The following FAM117B variants were observed in gnomAD, a reference collection of about 807,000 sequenced individuals.
FAM117B encodes the protein family with sequence similarity 117 member B.
In FAM117B, 22 loss-of-function variants were observed where a neutral mutation model predicts 52.8. The observed-to-expected ratio is 0.42, with a 90% CI of 0.30 to 0.59. FAM117B has a LOEUF of 0.59. FAM117B is among the 20% of genes least tolerant of loss of function. FAM117B has a pLI of 0.22. For missense variants in FAM117B, 678 were observed against 802.6 expected, an observed-to-expected ratio of 0.84 and a Z score of 1.88; for synonymous variants, 309 against 324.1, an observed-to-expected ratio of 0.95 and a Z score of 0.50.
intron 1 of FAM117B, among the ~76,000 whole-genome samples, chr2:202,650,473 T>C (rs1301921095): frequency 6.6e-6 from 1 of 152,210 alleles, no homozygotes; most frequent in Non-Finnish European, 1.5e-5. Flanking sequence ...AAAAGGCTCA[T>C]GTATTAGGGT....
chr2:202,730,214 G>T (rs1691317588), intron 4 of FAM117B, among the ~76,000 whole-genome samples: 1 of 152,046 alleles, frequency 6.6e-6, no homozygotes, highest in African/African-American at 2.4e-5. Context: ...GGCCCAGAGA[G>T]GTCAGGTATA....
intron 1 of FAM117B, among the ~76,000 whole-genome samples, chr2:202,655,757 AGAGAGT>A (rs1491003666): frequency 2.8e-3 from 349 of 125,990 alleles, no homozygotes; most frequent in East Asian, 4.9e-3. Context: ...AGAGAGAGAG[AGAGAGT>A]GTGTGTGTGT....
intron 1 of FAM117B, among the ~76,000 whole-genome samples, chr2:202,658,156 A>G (rs2105759984): frequency 6.6e-6 from 1 of 152,266 alleles, no homozygotes; most frequent in East Asian, 1.9e-4. Context: ...GTACAAGTAT[A>G]TTTATTACTT....
rs746952864 is a variant in FAM117B at position 202,726,320 on chromosome 2, A to G, written c.917A>G (p.Gln306Arg). 6.2e-7 allele frequency: 1 copy of G among 1,613,932 alleles called. No individual in the cohort carries two copies. The highest frequency in any genetic ancestry group is 8.5e-7 in the Non-Finnish European group (1 of 1,179,948). ...SSRHHRDKER[Q>R]SPFHGNHAAI... ...CGGCATCATCGAGATAAAGAAAGACAGTCTCCATTTCATGGCAACCATGCA... is the reference window on the plus strand; with the variant it reads ...CGGCATCATCGAGATAAAGAAAGACGGTCTCCATTTCATGGCAACCATGCA... The change falls in exon 4 of 8, where the codon CAG (glutamine) becomes CGG (arginine). Residue 306 changes from glutamine to arginine, a missense_variant. By Grantham distance (43) the Gln-to-Arg change is conservative. This residue lies in a region of FAM117B where 583 missense variants were observed against 644.8 expected (regional missense o/e 0.90). Transcript: ENST00000392238.
chr2:202,717,667 C>T (rs1691080086), intron 2 of FAM117B, among the ~76,000 whole-genome samples: 1 of 152,168 alleles, frequency 6.6e-6, no homozygotes, highest in Non-Finnish European at 1.5e-5. Context: ...ACAGAGTGTC[C>T]TTCTCTGTTC....
At chr2:202,728,962 A>G (rs1691298708) in intron 4 of FAM117B, among the ~76,000 whole-genome samples, 2 of 152,158 alleles carry the variant, frequency 1.3e-5, no homozygotes, top group Admixed American at 6.5e-5. Flanking sequence ...TGTTTCTCCC[A>G]TTTTATTTAG....
intron 1 of FAM117B, among the ~76,000 whole-genome samples, chr2:202,671,008 C>A (rs1043596005): frequency 6.6e-6 from 1 of 152,186 alleles, no homozygotes; most frequent in African/African-American, 2.4e-5. Flanking sequence ...AAGTGTTGAT[C>A]TTTCTCCTTA....
chr2:202,696,386 C>T (rs754534029), intron 2 of FAM117B, among the ~76,000 whole-genome samples: 15 of 151,936 alleles, frequency 9.9e-5, no homozygotes, highest in Non-Finnish European at 1.3e-4. Flanking sequence ...TATTGGGCCA[C>T]GCATAAAATA....
chr2:202,635,187 C>T lies in FAM117B; in HGVS notation c.-1C>T. ...CCCAGTCACCGGGGAGGGGGGGGAC[C>T]ATGTCCCAGCGGGTGAGGCGCAATG... On this transcript the variant is annotated 5_prime_UTR_variant, in exon 1 of 8. Transcript: ENST00000392238. 1 of 1,279,926 alleles carries T rather than the reference C, an allele frequency of 7.8e-7. No individual in the cohort carries two copies. Among genetic ancestry groups the T allele is most frequent in the South Asian group, 2.4e-5 (1 of 40,878 alleles). The allele number at this position is 1,279,926 out of a possible 1,614,324, so 79.3% of individuals were successfully genotyped here. A position where few individuals can be genotyped will look rare whatever the true frequency, so the allele number is the denominator to read the frequency against.
At chr2:202,668,408 A>T (rs1336519546) in intron 1 of FAM117B, among the ~76,000 whole-genome samples, 1 of 146,642 alleles carries the variant, frequency 6.8e-6, no homozygotes, top group Non-Finnish European at 1.5e-5. Flanking sequence ...GGTGCCTGTA[A>T]TCCCAGCTAC....
chr2:202,717,070 T>C (rs1691069195), intron 2 of FAM117B, among the ~76,000 whole-genome samples: 1 of 152,244 alleles, frequency 6.6e-6, no homozygotes, highest in Admixed American at 6.5e-5. Context: ...TTATGGATGC[T>C]AATCTGTGTC....
intron 2 of FAM117B, among the ~76,000 whole-genome samples, chr2:202,714,112 A>G (rs368889797): frequency 2.6e-5 from 4 of 152,220 alleles, no homozygotes; most frequent in African/African-American, 7.2e-5. Context: ...TTTTTTTTAT[A>G]GTTTCCAAAA....
intron 2 of FAM117B, among the ~76,000 whole-genome samples, chr2:202,721,311 A>G (rs1396645143): frequency 1.3e-5 from 2 of 152,234 alleles, no homozygotes; most frequent in Admixed American, 1.3e-4. Flanking sequence ...ATAGTAATAT[A>G]AAATGTATGA....
In FAM117B at chr2:202,635,555, C is replaced by G. The variant is rs1321529404; in HGVS notation, c.368C>G (p.Thr123Ser). Residue 123 changes from threonine to serine, a missense_variant, in exon 1 of 8, where the codon ACC becomes AGC. Coordinates refer to ENST00000392238, the MANE Select transcript of FAM117B (RefSeq NM_173511.4). ...TGASATSTRG[T>S]SPTRSAAPGA... Reference sequence around the variant, plus strand: ...GCGTCCGCGACGTCCACGCGAGGCACCAGCCCCACGCGCAGCGCCGCGCCT... The same window carrying G: ...GCGTCCGCGACGTCCACGCGAGGCAGCAGCCCCACGCGCAGCGCCGCGCCT... 9.1e-6 allele frequency: 11 copies of G among 1,205,514 alleles called. No individual in the cohort carries two copies. Among genetic ancestry groups the G allele is most frequent in the Non-Finnish European group, 1.1e-5 (11 of 974,368 alleles). The allele number at this position is 1,205,514 out of a possible 1,614,324, so 74.7% of individuals were successfully genotyped here. A position where few individuals can be genotyped will look rare whatever the true frequency, so the allele number is the denominator to read the frequency against.
At chr2:202,669,623 A>G (rs1329764300) in intron 1 of FAM117B, among the ~76,000 whole-genome samples, 7 of 152,206 alleles carry the variant, frequency 4.6e-5, no homozygotes, top group African/African-American at 7.2e-5. Context: ...GAACATAACT[A>G]AGAAAAAATG....
chr2:202,759,391 T>A, intron 7 of FAM117B, 38 bp downstream of exon 7: 2 of 1,595,084 alleles, frequency 1.3e-6, no homozygotes, highest in Non-Finnish European at 1.7e-6. Context: ...AAAAAACTAT[T>A]ATGAGCTTTT....
chr2:202,635,882 C>T (rs1018708314), intron 1 of FAM117B, 94 bp downstream of exon 1: 227 of 1,135,774 alleles, frequency 2.0e-4, no homozygotes, highest in Admixed American at 3.1e-4. Flanking sequence ...AGAGCTGCCG[C>T]GGAGCCCGGG....
At chr2:202,639,534 A>T (rs540621962) in intron 1 of FAM117B, among the ~76,000 whole-genome samples, 37 of 152,298 alleles carry the variant, frequency 2.4e-4, no homozygotes, top group African/African-American at 8.9e-4. Context: ...CTTTTACCCA[A>T]CTTCATTTTA....
chr2:202,673,728 G>C (rs1283982539), intron 1 of FAM117B, among the ~76,000 whole-genome samples: 1 of 151,878 alleles, frequency 6.6e-6, no homozygotes, highest in African/African-American at 2.4e-5. Context: ...GATTACAGGC[G>C]TGAGCCACTG....
Sources: allele counts gnomAD v4.1 joint callset (sites outside exome capture counted in the v4.1 genomes callset), GRCh38; gene constraint gnomAD v4.1.1; regional missense constraint gnomAD v4.1.1; transcripts MANE v1.5; gene names NCBI Gene and HGNC (gene_info 2026-07-23, HGNC 2026-07-21).